RC3H1: variants seen among roughly 807,000 people sequenced by gnomAD.
RC3H1 encodes the protein roquin-1.
In RC3H1, 50 loss-of-function variants were observed where a neutral mutation model predicts 138.2. The ratio of observed to expected loss-of-function variants is 0.36; its 90% CI spans 0.29 to 0.46. The LOEUF (loss-of-function observed/expected upper bound fraction) is 0.46, where lower values mean the gene tolerates loss of function less well. Ranked by LOEUF, RC3H1 falls within the 20% of genes least tolerant of loss-of-function variation. The pLI is 1.00. For missense variants in RC3H1, 1,031 were observed against 1,388.1 expected (o/e 0.74, Z 4.09); for synonymous variants, 462 against 489.1 (o/e 0.94, Z 0.73).
In RC3H1 at chr1:173,960,107, C is replaced by CAAAAA. The variant is rs58330993; in HGVS notation, c.2370+965_2370+969dup. On this transcript the variant is annotated intron_variant, in intron 13 of 19. Coordinates refer to ENST00000367696, the MANE Select transcript of RC3H1 (RefSeq NM_172071.4). ...TGGGCAACAGAATGAGACTCCGACT[C>CAAAAA]AAAAAAAAAAAAAAAAAAAAAAAGA... is the stretch of plus-strand genomic sequence containing the variant. Among the ~76,000 whole-genome samples the CAAAAA allele has an allele frequency of 2.4e-3, 125 of 51,086 alleles. 4 individuals are homozygous for CAAAAA. Among genetic ancestry groups the CAAAAA allele is most frequent in the African/African-American group, 8.3e-3 (119 of 14,312 alleles). 33.5% of individuals were successfully genotyped at this position (51,086 alleles called of 152,430 possible). A position where few individuals can be genotyped will look rare whatever the true frequency, so the allele number is the denominator to read the frequency against.
chr1:173,942,833 A>G (rs1658958050), intron 18 of RC3H1, among the ~76,000 whole-genome samples: 1 of 152,176 alleles, frequency 6.6e-6, no homozygotes, highest in Admixed American at 6.5e-5. Flanking sequence ...CTCAAAAAAA[A>G]AAAGAAAGAT....
At chr1:173,981,382 G>GC (rs1379940262) in intron 5 of RC3H1, among the ~76,000 whole-genome samples, 2 of 152,142 alleles carry the variant, frequency 1.3e-5, no homozygotes, top group African/African-American at 4.8e-5. Context: ...GCCCCAATGA[G>GC]CATGTGAGCA....
At chr1:173,998,092 C>G (rs1331504645) in intron 1 of RC3H1, among the ~76,000 whole-genome samples, 1 of 152,122 alleles carries the variant, frequency 6.6e-6, no homozygotes, top group Non-Finnish European at 1.5e-5. Flanking sequence ...AATATACCAA[C>G]ATCCAGATTT....
rs61239660 is a variant in RC3H1, at chr1:174,017,783, C to CAAAAAAAAAA, written c.-151+4303_-151+4312dup. Among the ~76,000 whole-genome samples the CAAAAAAAAAA allele has an allele frequency of 8.1e-3, 582 of 71,986 alleles. 55 individuals carry two copies. The highest frequency in any genetic ancestry group is 0.03 in the East Asian group (67 of 2,256). The allele number at this position is 71,986 out of a possible 152,430, so 47.2% of individuals were successfully genotyped here. The stretch of plus-strand genomic sequence containing the variant: ...ACCCCTTTAGAACTCTTTTCTTGCT[C>CAAAAAAAAAA]AAAAAAAAAAAAAAAAAAAAAAAAA... On this transcript the variant is annotated intron_variant, in intron 1 of 19. Transcript: ENST00000367696.
At chr1:173,949,427 G>C (rs938048500) in intron 14 of RC3H1, among the ~76,000 whole-genome samples, 1 of 151,258 alleles carries the variant, frequency 6.6e-6, no homozygotes, top group African/African-American at 2.4e-5. Flanking sequence ...GGAGTGCAGT[G>C]GCGCAATCTC....
intron 7 of RC3H1, among the ~76,000 whole-genome samples, chr1:173,975,337 G>A (rs942961414): frequency 4.0e-5 from 6 of 151,808 alleles, no homozygotes; most frequent in African/African-American, 9.7e-5. Context: ...CTTGTGATCC[G>A]CCCGCCTTGG....
At chr1:173,964,331 T>G in intron 10 of RC3H1, 144 bp from the exon 11 acceptor site, 3 of 638,930 alleles carry the variant, frequency 4.7e-6, no homozygotes. Flanking sequence ...TTTTAAATCT[T>G]ATTTCCCCTA....
intron 7 of RC3H1, 53 bp from the exon 8 acceptor site, chr1:173,972,680 T>G (rs1571208062): frequency 8.6e-7 from 1 of 1,164,444 alleles, no homozygotes; most frequent in East Asian, 2.4e-5. Flanking sequence ...AAATTTTCCC[T>G]AATATCAAAT....
Position 173,938,575 on chromosome 1 carries a change from T to C in RC3H1, c.*146A>G. 1 of 521,130 alleles carries C rather than the reference T, an allele frequency of 1.9e-6. No individual in the cohort carries two copies. The highest frequency in any genetic ancestry group is 4.8e-5 in the South Asian group (1 of 20,784). The allele number at this position is 521,130 out of a possible 1,614,324, so 32.3% of individuals were successfully genotyped here. On this transcript the variant is annotated 3_prime_UTR_variant, in exon 20 of 20. Coordinates refer to ENST00000367696, the MANE Select transcript of RC3H1 (RefSeq NM_172071.4). ...TATGTGCAGGGTTTGTTTTTAGTAG[T>C]GGTGTTTGTGCACATTGCCTCTGGT...
In RC3H1 at chr1:174,022,041, G is replaced by A; in HGVS notation, c.-151+55C>T. 3 of 393,746 alleles carry A rather than the reference G, an allele frequency of 7.6e-6. No homozygotes were observed. The highest frequency in any genetic ancestry group is 1.3e-5 in the Non-Finnish European group (3 of 223,374). The allele number at this position is 393,746 out of a possible 1,614,324, so 24.4% of individuals were successfully genotyped here. The stretch of plus-strand genomic sequence containing the variant: ...CCACAGCTGCCTATTGTTCCCGACT[G>A]AGGCCCCGGCCGCGGCAGCCCCGCT... On this transcript the variant is annotated intron_variant, in intron 1 of 19. Transcript: ENST00000367696. The surrounding 1 kb of genome is among the most constrained non-coding windows in gnomAD (Gnocchi z 4.2).
intron 9 of RC3H1, among the ~76,000 whole-genome samples, chr1:173,968,188 A>G (rs1660203065): frequency 1.3e-5 from 2 of 152,186 alleles, no homozygotes; most frequent in Admixed American, 6.5e-5. Flanking sequence ...TCCATAATAC[A>G]GGTAAATAGT....
In RC3H1 at chr1:173,934,892, T is replaced by C. The variant is rs1658517442; in HGVS notation, c.*3829A>G. 6.6e-6 allele frequency: 1 copy of C among 152,206 alleles called. No homozygotes were observed. Among genetic ancestry groups the C allele is most frequent in the Non-Finnish European group, 1.5e-5 (1 of 68,032 alleles). The allele number at this position is 152,206 out of a possible 1,614,324, so 9.4% of individuals were successfully genotyped here. On this transcript the variant is annotated 3_prime_UTR_variant, in exon 20 of 20. Coordinates refer to ENST00000367696, the MANE Select transcript of RC3H1 (RefSeq NM_172071.4). The stretch of plus-strand genomic sequence containing the variant: ...CCCTGAAGAACTCTGGAAAGTCTGA[T>C]GGAGTTATATACTCAAAGTAGCAAA...
intron 1 of RC3H1, among the ~76,000 whole-genome samples, chr1:174,004,821 A>C (rs1198850736): frequency 6.6e-6 from 1 of 151,954 alleles, no homozygotes; most frequent in Non-Finnish European, 1.5e-5. Flanking sequence ...GGAAGCTGCC[A>C]GGGAAGATAG....
At chr1:173,960,377 T>C (rs1361165987) in intron 13 of RC3H1, among the ~76,000 whole-genome samples, 1 of 152,158 alleles carries the variant, frequency 6.6e-6, no homozygotes, top group Non-Finnish European at 1.5e-5. Flanking sequence ...GGTGGCCACA[T>C]TAACAACAAA....
rs758298065 is a variant in RC3H1 at position 173,971,647 on chromosome 1, T to G, written c.1221+862A>C. Among the ~76,000 whole-genome samples the G allele has an allele frequency of 2.0e-5, 3 of 152,336 alleles. 1 individual carries two copies. Among genetic ancestry groups the G allele is most frequent in the African/African-American group, 7.2e-5 (3 of 41,586 alleles). ...AGGTTAGTCTCATTACTCTTGTTAT[T>G]TTCTTCAAGATGTCTAATGAAACAG... On this transcript the variant is annotated intron_variant, in intron 8 of 19. Coordinates refer to ENST00000367696, the MANE Select transcript of RC3H1 (RefSeq NM_172071.4).
chr1:173,999,094 TA>T (rs58202123), intron 1 of RC3H1, among the ~76,000 whole-genome samples: 6 of 145,282 alleles, frequency 4.1e-5, no homozygotes, highest in Admixed American at 6.9e-5. Flanking sequence ...ACCCCATCTC[TA>T]AAAAAAAAAA....
chr1:173,977,846 T>C (rs893136971), intron 7 of RC3H1, among the ~76,000 whole-genome samples: 1 of 152,114 alleles, frequency 6.6e-6, no homozygotes, highest in African/African-American at 2.4e-5. Context: ...AACAACATTA[T>C]CGAAATGCTG....
chr1:173,974,552 A>G (rs141759059), intron 7 of RC3H1, among the ~76,000 whole-genome samples: 154 of 152,300 alleles, frequency 1.0e-3, no homozygotes, highest in African/African-American at 3.5e-3. Context: ...ATAATATACC[A>G]AGGGAAAAAC....
In RC3H1 at chr1:173,952,142, C is replaced by G; in HGVS notation, c.2371-4G>C. On this transcript the variant is annotated splice_polypyrimidine_tract_variant and splice_region_variant and intron_variant, in intron 13 of 19. Coordinates refer to ENST00000367696, the MANE Select transcript of RC3H1 (RefSeq NM_172071.4). Reference sequence around the variant, plus strand: ...CCTTCAAGTCTTCATCCAAAAACTACAGATGGAGAAAGAAAAAAAACAAAA... The same window carrying G: ...CCTTCAAGTCTTCATCCAAAAACTAGAGATGGAGAAAGAAAAAAAACAAAA... The G allele has an allele frequency of 7.5e-7, 1 of 1,334,614 alleles. No homozygotes were observed. Among genetic ancestry groups the G allele is most frequent in the Non-Finnish European group, 9.7e-7 (1 of 1,034,520 alleles). The allele number at this position is 1,334,614 out of a possible 1,614,324, so 82.7% of individuals were successfully genotyped here.
Sources: allele counts gnomAD v4.1 joint callset (sites outside exome capture counted in the v4.1 genomes callset), GRCh38; gene constraint gnomAD v4.1.1; non-coding constraint Gnocchi (gnomAD v3.1); transcripts MANE v1.5; gene names NCBI Gene and HGNC (gene_info 2026-07-23, HGNC 2026-07-21).